Variants in UNC13C observed in about 807,000 individuals in gnomAD.
The protein encoded by UNC13C is protein unc-13 homolog C.
In UNC13C, 174 loss-of-function variants were observed where a neutral mutation model predicts 245.4. That is an observed-to-expected ratio of 0.71 (90% CI 0.63 to 0.80). UNC13C has a LOEUF of 0.80. UNC13C is among the 30% of genes least tolerant of loss of function. The pLI, the probability that UNC13C is intolerant of heterozygous loss-of-function variation, is 0.00. For missense variants in UNC13C, 2,829 were observed against 2,602.9 expected (o/e 1.09, Z -1.89); for synonymous variants, 992 against 895.1 (o/e 1.11, Z -1.93).
At chr15:54,504,849 C>A (rs985482425) in intron 22 of UNC13C, among the ~76,000 whole-genome samples, 38 of 152,060 alleles carry the variant, frequency 2.5e-4, no homozygotes, top group Admixed American at 2.4e-3. Flanking sequence ...ATATTTAGCC[C>A]ACTCCTAACA....
intron 2 of UNC13C, among the ~76,000 whole-genome samples, chr15:54,027,577 G>T (rs1216083891): frequency 6.6e-6 from 1 of 151,984 alleles, no homozygotes; most frequent in Non-Finnish European, 1.5e-5. Context: ...TATCATGTTG[G>T]CCAGGCTGGA....
At position 54,297,869 on chromosome 15, in the gene UNC13C, G is replaced by C. The variant is rs771412454; in HGVS notation, c.4047G>C (p.Glu1349Asp). Residue 1349 changes from glutamate (E) to aspartate (D), a missense_variant, in exon 12 of 33, where the codon GAG becomes GAC. Transcript: ENST00000260323. ...CCATACGATTGAAAATCAATGTGGA[G>C]ATAAAAGGAGAAGAGAAGGTTGCTC... ...SGAIRLKINVEIKGEEKVAPY... is the reference protein window; with the variant it reads ...SGAIRLKINVDIKGEEKVAPY... 6.2e-7 allele frequency: 1 copy of C among 1,611,052 alleles called. No individual in the cohort carries two copies. The highest frequency in any genetic ancestry group is 1.1e-5 in the South Asian group (1 of 90,026).
the UNC13C span, among the ~76,000 whole-genome samples, chr15:53,870,737 C>A: frequency 6.6e-6 from 1 of 152,112 alleles, no homozygotes. Flanking sequence ...GGGTCTTATC[C>A]TGATTTTTAT....
intron 30 of UNC13C, among the ~76,000 whole-genome samples, chr15:54,621,873 T>A (rs142266532): frequency 0.039 from 5,930 of 152,270 alleles, 217 homozygotes; most frequent in Admixed American, 0.12. Flanking sequence ...TATATTTGCA[T>A]GTGGGGCTCC....
Position 54,015,815 on chromosome 15 carries a change from C to T in UNC13C, c.2912C>T (p.Ser971Phe). The T allele has an allele frequency of 1.9e-6, 3 of 1,611,266 alleles. No individual in the cohort carries two copies. Among genetic ancestry groups the T allele is most frequent in the South Asian group, 2.2e-5 (2 of 90,614 alleles). Reference sequence around the variant, plus strand: ...ACAAAGCCAAAGAGAATTCGTCCTTCTTTCAAAGAAGCAGCTTTAAGGGCC... The same window carrying T: ...ACAAAGCCAAAGAGAATTCGTCCTTTTTTCAAAGAAGCAGCTTTAAGGGCC... The part of the protein sequence containing the change: ...EITKPKRIRP[S>F]FKEAALRAYK... Residue 971 changes from serine (S) to phenylalanine (F), a missense_variant, in exon 2 of 33, where the codon TCT (serine) becomes TTT (phenylalanine). Coordinates refer to ENST00000260323, the MANE Select transcript of UNC13C (RefSeq NM_001080534.3).
At chr15:54,612,315 A>G (rs928550861) in intron 30 of UNC13C, among the ~76,000 whole-genome samples, 5 of 151,968 alleles carry the variant, frequency 3.3e-5, no homozygotes, top group African/African-American at 1.2e-4. Context: ...AAGGTTACAC[A>G]TTTTCCACAT....
At chr15:54,390,027 C>T (rs2039921668) in intron 17 of UNC13C, among the ~76,000 whole-genome samples, 1 of 152,170 alleles carries the variant, frequency 6.6e-6, no homozygotes, top group African/African-American at 2.4e-5. Flanking sequence ...CTGCGCCCGG[C>T]CCGTCTTTGC....
chr15:54,192,216 A>G (rs534912856), intron 4 of UNC13C, among the ~76,000 whole-genome samples: 1 of 152,298 alleles, frequency 6.6e-6, no homozygotes, highest in East Asian at 1.9e-4. Context: ...TTTCTTCCAG[A>G]AAAACTTTTT....
intron 17 of UNC13C, among the ~76,000 whole-genome samples, chr15:54,361,865 A>G (rs1011336404): frequency 6.6e-6 from 1 of 152,218 alleles, no homozygotes; most frequent in African/African-American, 2.4e-5. Flanking sequence ...TAGAGAGTAC[A>G]AGAACTTAAA....
chr15:54,563,949 C>T (rs933166032), intron 29 of UNC13C, among the ~76,000 whole-genome samples: 6 of 151,998 alleles, frequency 3.9e-5, no homozygotes, highest in African/African-American at 1.4e-4. Flanking sequence ...GTAAGGTAAC[C>T]AGACTGGTGC....
intron 18 of UNC13C, among the ~76,000 whole-genome samples, chr15:54,393,682 A>G (rs1247492909): frequency 6.6e-6 from 1 of 151,898 alleles, no homozygotes; most frequent in Admixed American, 6.6e-5. Flanking sequence ...TCATGCCTCT[A>G]AGACATGGCA....
intron 13 of UNC13C, chr15:54,320,908 A>G: frequency 2.9e-6 from 1 of 340,892 alleles, no homozygotes. Flanking sequence ...AAATTGTTGT[A>G]GCTTCCACTA....
At chr15:54,052,903 A>G (rs1278585151) in intron 2 of UNC13C, among the ~76,000 whole-genome samples, 1 of 152,268 alleles carries the variant, frequency 6.6e-6, no homozygotes, top group East Asian at 1.9e-4. Flanking sequence ...GATATAGAAA[A>G]GTATTAGGTT....
intron 22 of UNC13C, among the ~76,000 whole-genome samples, chr15:54,505,874 G>A (rs926873513): frequency 8.6e-5 from 13 of 151,414 alleles, no homozygotes; most frequent in East Asian, 2.0e-4. Context: ...AGGCTATTAC[G>A]TGTGAGATCC....
chr15:54,261,665 C>T (rs2036428739), intron 8 of UNC13C, among the ~76,000 whole-genome samples: 1 of 152,144 alleles, frequency 6.6e-6, no homozygotes, highest in South Asian at 2.1e-4. Context: ...GCCTCAGCCT[C>T]TCGAGGTAGC....
At chr15:54,049,037 A>G (rs545009098) in intron 2 of UNC13C, 43 of 385,682 alleles carry the variant, frequency 1.1e-4, no homozygotes, top group Admixed American at 7.1e-4. Flanking sequence ...ATCGTTTCAC[A>G]GAAGTGATAT....
In UNC13C at chr15:53,990,152, C is replaced by T. The variant is rs571862407; in HGVS notation, c.-257+11225C>T. On this transcript the variant is annotated intron_variant, in intron 1 of 32. Transcript: ENST00000260323. ...ACTGAAAGAGAGATAGATATGTTTACCCTATTAAAACATACTCTCTTAAAG... is the reference window on the plus strand; with the variant it reads ...ACTGAAAGAGAGATAGATATGTTTATCCTATTAAAACATACTCTCTTAAAG... Among the ~76,000 whole-genome samples the T allele has an allele frequency of 9.9e-5, 15 of 151,980 alleles. 1 individual carries two copies. Among genetic ancestry groups the T allele is most frequent in the Admixed American group, 7.2e-4 (11 of 15,220 alleles).
At chr15:54,068,146 A>G (rs1898155316) in intron 2 of UNC13C, among the ~76,000 whole-genome samples, 1 of 152,146 alleles carries the variant, frequency 6.6e-6, no homozygotes, top group Admixed American at 6.5e-5. Flanking sequence ...GAAAGCCCCA[A>G]AGTTTTGAAT....
intron 14 of UNC13C, among the ~76,000 whole-genome samples, chr15:54,325,527 A>G (rs1374459268): frequency 6.6e-6 from 1 of 152,012 alleles, no homozygotes; most frequent in Non-Finnish European, 1.5e-5. Context: ...CATCATTTAC[A>G]TTAGGTGTTT....
Sources: allele counts gnomAD v4.1 joint callset (sites outside exome capture counted in the v4.1 genomes callset), GRCh38; gene constraint gnomAD v4.1.1; transcripts MANE v1.5; gene names NCBI Gene and HGNC (gene_info 2026-07-23, HGNC 2026-07-21).